The following EIF2AK2 variants were observed in gnomAD, a reference collection of about 807,000 sequenced individuals.
The protein encoded by EIF2AK2 is eukaryotic translation initiation factor 2 alpha kinase 2, also known as interferon-induced, double-stranded RNA-activated protein kinase.
In EIF2AK2, 40 loss-of-function variants were observed where a neutral mutation model predicts 70.5. That is an observed-to-expected ratio of 0.57 (90% CI 0.44 to 0.74). The LOEUF is 0.74. Ranked by LOEUF, EIF2AK2 falls within the 30% of genes least tolerant of loss-of-function variation. EIF2AK2 has a pLI of 0.00. For synonymous variants in EIF2AK2, 198 were observed against 220.9 expected (o/e 0.90, Z 0.92); for missense variants, 555 against 644.3 (o/e 0.86, Z 1.50).
chr2:37,148,750 T>C (rs1269947447), intron 2 of EIF2AK2, 107 bp downstream of exon 2: 3 of 835,180 alleles, frequency 3.6e-6, no homozygotes, highest in Non-Finnish European at 6.3e-6. Context: ...AGAAGTCGTG[T>C]TGTGACCCAT....
intron 12 of EIF2AK2, 98 bp from the exon 13 acceptor site, chr2:37,120,237 G>A (rs1326731253): frequency 1.2e-6 from 1 of 833,582 alleles, no homozygotes; most frequent in Non-Finnish European, 1.6e-6. Context: ...CTTTTTAAAA[G>A]CTTATACCTT....
Position 37,101,254 on chromosome 2 carries a change from T to G in EIF2AK2, c.*6019A>C, listed in dbSNP as rs1454094359. 1 of 152,230 alleles carries G rather than the reference T, an allele frequency of 6.6e-6. No individual in the cohort carries two copies. Among genetic ancestry groups the G allele is most frequent in the Non-Finnish European group, 1.5e-5 (1 of 68,048 alleles). 9.4% of individuals were successfully genotyped at this position (152,230 alleles called of 1,614,324 possible). On this transcript the variant is annotated 3_prime_UTR_variant, in exon 17 of 17. Transcript: ENST00000233057. Reference sequence around the variant, plus strand: ...CTAGGGCACTAACTCACTCTAAAATTTGATAAATATTTATCGCATCTTTCC... The same window carrying G: ...CTAGGGCACTAACTCACTCTAAAATGTGATAAATATTTATCGCATCTTTCC...
At chr2:37,143,413 A>G (rs1024682444) in intron 4 of EIF2AK2, among the ~76,000 whole-genome samples, 3 of 152,092 alleles carry the variant, frequency 2.0e-5, no homozygotes, top group Non-Finnish European at 4.4e-5. Flanking sequence ...TCACATGTAT[A>G]TTGGTTCTCC....
chr2:37,114,582 G>T, intron 14 of EIF2AK2, 149 bp downstream of exon 14: 1 of 550,178 alleles, frequency 1.8e-6, no homozygotes, highest in Non-Finnish European at 2.7e-6. Flanking sequence ...AGAATAAACT[G>T]ATAAGAAGAA....
At chr2:37,108,857 C>T (rs752880682) in intron 15 of EIF2AK2, among the ~76,000 whole-genome samples, 14 of 152,142 alleles carry the variant, frequency 9.2e-5, no homozygotes, top group Non-Finnish European at 2.1e-4. Context: ...GGTGAGCCAC[C>T]GCGCCCAGCC....
rs532706685 is a variant in EIF2AK2, at chr2:37,107,616, G to A, written c.1480-89C>T. ...AAGGCTGAGGAATACCTGAAATGTA[G>A]GATATTTCCAGATTTTTTGGGAAAG... On this transcript the variant is annotated intron_variant, in intron 15 of 16. Coordinates refer to ENST00000233057, the MANE Select transcript of EIF2AK2 (RefSeq NM_001135651.3). 8.4e-6 allele frequency: 12 copies of A among 1,423,912 alleles called. No homozygotes were observed. The East Asian group carries it at 1.1e-4, about 14-fold the overall frequency. 88.2% of individuals were successfully genotyped at this position (1,423,912 alleles called of 1,614,324 possible).
rs549044489 is a variant in EIF2AK2, at chr2:37,122,480, G to A, written c.1067+26C>T. ...TAACAATTTCCTTCCATCCTATTAT[G>A]GCTATGAGAATTTATTTTTAGTTAC... On this transcript the variant is annotated intron_variant, in intron 12 of 16. Coordinates refer to ENST00000233057, the MANE Select transcript of EIF2AK2 (RefSeq NM_001135651.3). The A allele has an allele frequency of 4.7e-4, 753 of 1,610,320 alleles. 6 individuals are homozygous for A. In the South Asian group the frequency reaches 7.4e-3, roughly 16 times the overall value.
rs540324762 is a variant in EIF2AK2, at chr2:37,138,491, T to C, written c.593+18A>G. 6.8e-6 allele frequency: 11 copies of C among 1,612,644 alleles called. No homozygotes were observed. In the African/African-American group the frequency reaches 1.2e-4, roughly 18 times the overall value. ...AATATGAATATGTTAAGTATCTCAA[T>C]TGTTTGTCTACACTTACAGTGTGCT... On this transcript the variant is annotated intron_variant, in intron 7 of 16. Coordinates refer to ENST00000233057, the MANE Select transcript of EIF2AK2 (RefSeq NM_001135651.3).
chr2:37,132,064 A>C (rs966738869), intron 10 of EIF2AK2, among the ~76,000 whole-genome samples: 2 of 152,212 alleles, frequency 1.3e-5, no homozygotes, highest in African/African-American at 4.8e-5. Flanking sequence ...GGCTGCAGTT[A>C]CCCATTGCAA....
At chr2:37,133,585 G>C (rs1229470787) in intron 10 of EIF2AK2, among the ~76,000 whole-genome samples, 1 of 152,096 alleles carries the variant, frequency 6.6e-6, no homozygotes, top group African/African-American at 2.4e-5. Context: ...CTTCTCTCAA[G>C]AACACAGACT....
chr2:37,146,259 A>G (rs1167785737), intron 4 of EIF2AK2, among the ~76,000 whole-genome samples: 1 of 152,198 alleles, frequency 6.6e-6, no homozygotes, highest in Non-Finnish European at 1.5e-5. Context: ...AAGTACCTCT[A>G]TGATGTTTGC....
At chr2:37,151,918 T>C (rs965359850) in intron 1 of EIF2AK2, among the ~76,000 whole-genome samples, 1 of 152,282 alleles carries the variant, frequency 6.6e-6, no homozygotes, top group Non-Finnish European at 1.5e-5. Context: ...TACAAAAAAT[T>C]AGCCGGGCGC....
chr2:37,137,314 T>C (rs973720412), intron 8 of EIF2AK2, among the ~76,000 whole-genome samples: 2 of 152,262 alleles, frequency 1.3e-5, no homozygotes, highest in African/African-American at 4.8e-5. Context: ...TATCTGTTTA[T>C]ACATTTTGTA....
chr2:37,117,272 T>C (rs943694409), intron 13 of EIF2AK2, among the ~76,000 whole-genome samples: 9 of 149,748 alleles, frequency 6.0e-5, no homozygotes, highest in African/African-American at 2.2e-4. Context: ...GTATGGTGGC[T>C]CATGCCTGTA....
chr2:37,139,192 G>A (rs1350983990), intron 6 of EIF2AK2, among the ~76,000 whole-genome samples: 1 of 151,670 alleles, frequency 6.6e-6, no homozygotes, highest in Non-Finnish European at 1.5e-5. Flanking sequence ...GCAGGCGCTT[G>A]TAGTCCCAGC....
In EIF2AK2 at chr2:37,138,367, G is replaced by C. The variant is rs754675802; in HGVS notation, c.594-4C>G. 3.1e-6 allele frequency: 5 copies of C among 1,612,354 alleles called. No individual in the cohort carries two copies. Among genetic ancestry groups the C allele is most frequent in the African/African-American group, 1.3e-5 (1 of 74,998 alleles). Reference sequence around the variant, plus strand: ...TTCAGATGATGATTCAGAAGCGCTAGAAGAAAAGGGTGTAACTATTAGTTT... The same window carrying C: ...TTCAGATGATGATTCAGAAGCGCTACAAGAAAAGGGTGTAACTATTAGTTT... On this transcript the variant is annotated splice_polypyrimidine_tract_variant and splice_region_variant and intron_variant, in intron 7 of 16. Transcript: ENST00000233057.
intron 12 of EIF2AK2, among the ~76,000 whole-genome samples, chr2:37,121,022 G>A (rs1674526767): frequency 6.7e-6 from 1 of 148,332 alleles, no homozygotes. Context: ...CCAGCACTTT[G>A]GGAGGCCGAG....
chr2:37,108,860 G>A (rs533545867), intron 15 of EIF2AK2, among the ~76,000 whole-genome samples: 1 of 152,264 alleles, frequency 6.6e-6, no homozygotes, highest in African/African-American at 2.4e-5. Flanking sequence ...GAGCCACCGC[G>A]CCCAGCCAAG....
rs1673850169 is a variant in EIF2AK2, at chr2:37,102,480, G to C, written c.*4793C>G. On this transcript the variant is annotated 3_prime_UTR_variant, in exon 17 of 17. Coordinates refer to ENST00000233057, the MANE Select transcript of EIF2AK2 (RefSeq NM_001135651.3). The stretch of plus-strand genomic sequence containing the variant: ...AATCTCAAATTATGGTGAACACTCA[G>C]TGGGGACTGCATATTGTGAGTTATG... The C allele has an allele frequency of 6.6e-6, 1 of 152,102 alleles. No individual in the cohort carries two copies. Among genetic ancestry groups the C allele is most frequent in the African/African-American group, 2.4e-5 (1 of 41,370 alleles). 9.4% of individuals were successfully genotyped at this position (152,102 alleles called of 1,614,324 possible). A position where few individuals can be genotyped will look rare whatever the true frequency, so the allele number is the denominator to read the frequency against.
Sources: allele counts gnomAD v4.1 joint callset (sites outside exome capture counted in the v4.1 genomes callset), GRCh38; gene constraint gnomAD v4.1.1; transcripts MANE v1.5; gene names NCBI Gene and HGNC (gene_info 2026-07-23, HGNC 2026-07-21).